The following GLIS1 variants were observed in gnomAD, a reference collection of about 807,000 sequenced individuals.
GLIS1 encodes zinc finger protein GLIS1.
In GLIS1, 24 loss-of-function variants were observed where a neutral mutation model predicts 63.8. That is an observed-to-expected ratio of 0.38 (90% CI 0.27 to 0.53). GLIS1 has a LOEUF of 0.53. GLIS1 is among the 20% of genes least tolerant of loss of function. GLIS1 has a pLI of 0.85. For missense variants in GLIS1, 1,036 were observed against 1,074.1 expected (o/e 0.96, Z 0.50); for synonymous variants, 450 against 482.5 (o/e 0.93, Z 0.88).
intron 2 of GLIS1, among the ~76,000 whole-genome samples, chr1:53,732,234 A>T (rs552544107): frequency 6.6e-6 from 1 of 152,174 alleles, no homozygotes; most frequent in Non-Finnish European, 1.5e-5. Context: ...TTTAAGGGGG[A>T]AAAAGGGCAA....
At chr1:53,698,671 G>C (rs577717512) in intron 2 of GLIS1, among the ~76,000 whole-genome samples, 4 of 152,220 alleles carry the variant, frequency 2.6e-5, no homozygotes, top group African/African-American at 4.8e-5. Flanking sequence ...TGCCAGAAGA[G>C]AGCCACTTCC....
intron 4 of GLIS1, among the ~76,000 whole-genome samples, chr1:53,577,433 CAA>C (rs1645043429): frequency 6.6e-6 from 1 of 152,336 alleles, no homozygotes; most frequent in Non-Finnish European, 1.5e-5. Context: ...TCTCTCAGAT[CAA>C]GCCATTTCTG....
At chr1:53,689,818 G>A (rs1299358553) in intron 2 of GLIS1, among the ~76,000 whole-genome samples, 1 of 152,172 alleles carries the variant, frequency 6.6e-6, no homozygotes, top group Non-Finnish European at 1.5e-5. Context: ...GGCCCCTGCA[G>A]ATGAGGTCCT....
intron 4 of GLIS1, among the ~76,000 whole-genome samples, chr1:53,593,241 G>A (rs1200447543): frequency 2.6e-5 from 4 of 152,366 alleles, no homozygotes; most frequent in African/African-American, 9.6e-5. Context: ...CAGCTCTGCC[G>A]TTTCTGGGCA....
At chr1:53,644,575 A>G (rs927251012) in intron 2 of GLIS1, among the ~76,000 whole-genome samples, 1 of 152,008 alleles carries the variant, frequency 6.6e-6, no homozygotes, top group Non-Finnish European at 1.5e-5. Flanking sequence ...AACTGAGTAG[A>G]GTAAGGGGAT....
intron 4 of GLIS1, among the ~76,000 whole-genome samples, chr1:53,551,443 C>T (rs993197066): frequency 2.0e-5 from 3 of 152,168 alleles, no homozygotes; most frequent in African/African-American, 7.2e-5. Context: ...CAAGGGGGGT[C>T]CCTCAGCCTC....
chr1:53,584,344 C>T lies in GLIS1; in HGVS notation c.1320+9764G>A, dbSNP rs1352072754. 2.0e-5 allele frequency among the ~76,000 whole-genome samples: 3 copies of T among 152,204 alleles called. No homozygotes were observed. In the East Asian group the frequency reaches 5.8e-4, roughly 29 times the overall value. On this transcript the variant is annotated intron_variant, in intron 4 of 10. Transcript: ENST00000628545. ...AGACCAAAAGGACACCTATGTTCCC[C>T]ACAAGGTCAAGACTATCACATGTCA...
intron 2 of GLIS1, among the ~76,000 whole-genome samples, chr1:53,663,800 C>G (rs1646057092): frequency 6.6e-6 from 1 of 152,246 alleles, no homozygotes; most frequent in African/African-American, 2.4e-5. Context: ...AGCCACGGCT[C>G]CCTCCAGGCC....
chr1:53,528,909 T>A (rs1644499084), intron 5 of GLIS1, among the ~76,000 whole-genome samples: 1 of 152,070 alleles, frequency 6.6e-6, no homozygotes, highest in African/African-American at 2.4e-5. Flanking sequence ...CTGCAGCACA[T>A]GGGGGCTGGG....
rs952904224 is a variant in GLIS1, at chr1:53,574,917, G to A, written c.1320+19191C>T. ...CTTCACAGCAACTCTCTTAACAAAT[G>A]GTGTGATCACTCCGGGGGCAGGGTG... On this transcript the variant is annotated intron_variant, in intron 4 of 10. Coordinates refer to ENST00000628545, the MANE Select transcript of GLIS1 (RefSeq NM_001367484.1). This position sits in a 1 kb window ranked among gnomAD's most constrained non-coding sequence, Gnocchi z 4.2. Among the ~76,000 whole-genome samples the A allele has an allele frequency of 2.0e-5, 3 of 152,100 alleles. No homozygotes were observed. The highest frequency in any genetic ancestry group is 4.4e-5 in the Non-Finnish European group (3 of 68,020).
chr1:53,590,992 G>A (rs542569760), intron 4 of GLIS1, among the ~76,000 whole-genome samples: 18 of 152,324 alleles, frequency 1.2e-4, no homozygotes, highest in African/African-American at 3.4e-4. Flanking sequence ...GGGATGGGAT[G>A]GGGGAGGCTT....
At chr1:53,559,156 G>C (rs1644861006) in intron 4 of GLIS1, among the ~76,000 whole-genome samples, 1 of 152,206 alleles carries the variant, frequency 6.6e-6, no homozygotes, top group South Asian at 2.1e-4. Flanking sequence ...AATGCAGGGG[G>C]CTTTGTGGCC....
At chr1:53,620,465 C>A (rs1645531017) in intron 2 of GLIS1, among the ~76,000 whole-genome samples, 1 of 152,248 alleles carries the variant, frequency 6.6e-6, no homozygotes, top group Admixed American at 6.5e-5. Context: ...AGAGCTGGGG[C>A]AGCTCACTGC....
rs182357288 is a variant in GLIS1 at position 53,616,097 on chromosome 1, A to G, written c.260-15819T>C. 6.9e-4 allele frequency among the ~76,000 whole-genome samples: 105 copies of G among 152,332 alleles called. 1 individual carries two copies. The East Asian group carries it at 0.016, about 23-fold the overall frequency. On this transcript the variant is annotated intron_variant, in intron 2 of 10. Transcript: ENST00000628545. ...CTAAGCACTTCAATTACTGCTTCTAAGATTCCATGATCCCACAAATCTGTC... is the reference window on the plus strand; with the variant it reads ...CTAAGCACTTCAATTACTGCTTCTAGGATTCCATGATCCCACAAATCTGTC...
rs1328639284 is a variant in GLIS1, at chr1:53,639,897, T to C, written c.260-39619A>G. The stretch of plus-strand genomic sequence containing the variant: ...GCTGTGGCTTTGCTGCTAATAGTCC[T>C]GGGTTCAAATCCCAAGTCTGATACG... On this transcript the variant is annotated intron_variant, in intron 2 of 10. Coordinates refer to ENST00000628545, the MANE Select transcript of GLIS1 (RefSeq NM_001367484.1). This position sits in a 1 kb window ranked among gnomAD's most constrained non-coding sequence, Gnocchi z 4.6. Among the ~76,000 whole-genome samples, 1 of 152,210 alleles carries C rather than the reference T, an allele frequency of 6.6e-6. No homozygotes were observed. The highest frequency in any genetic ancestry group is 1.5e-5 in the Non-Finnish European group (1 of 68,034).
In GLIS1 at chr1:53,712,953, C is replaced by A. The variant is rs150541598; in HGVS notation, c.259+24853G>T. On this transcript the variant is annotated intron_variant, in intron 2 of 10. Transcript: ENST00000628545. ...GGCAGAAACCAAGAGGAAGAAAAAA[C>A]ACAGGTAAAAAGTGAGGCAGAGAGA... Among the ~76,000 whole-genome samples the A allele has an allele frequency of 5.0e-4, 76 of 152,128 alleles. 1 individual carries two copies. In the East Asian group the frequency reaches 0.014, roughly 28 times the overall value.
rs145777942 is a variant in GLIS1, at chr1:53,619,909, C to A, written c.260-19631G>T. Among the ~76,000 whole-genome samples the A allele has an allele frequency of 1.9e-4, 29 of 152,374 alleles. 1 individual carries two copies. Among genetic ancestry groups the A allele is most frequent in the Middle Eastern group, 6.8e-3 (2 of 294 alleles). On this transcript the variant is annotated intron_variant, in intron 2 of 10. Transcript: ENST00000628545. ...GCCAAGTCAGGACCAGAACCCAGTC[C>A]TCCAGAGTTCCCATCAGGCAGTCAT...
intron 2 of GLIS1, among the ~76,000 whole-genome samples, chr1:53,641,115 T>C (rs1471500528): frequency 6.6e-6 from 1 of 152,088 alleles, no homozygotes; most frequent in African/African-American, 2.4e-5. Context: ...TCCCTGAATA[T>C]CTTGGGGGAC....
At chr1:53,570,270 T>C (rs1644972036) in intron 4 of GLIS1, among the ~76,000 whole-genome samples, 1 of 144,570 alleles carries the variant, frequency 6.9e-6, no homozygotes, top group Admixed American at 6.8e-5. Flanking sequence ...GCGAGCACCA[T>C]TCTTGGCTAA....
Sources: gnomAD v4.1 joint callset for allele counts (sites outside exome capture counted in the v4.1 genomes callset) on GRCh38, gnomAD v4.1.1 for gene constraint, Gnocchi (gnomAD v3.1) non-coding constraint, MANE v1.5 for transcripts, NCBI Gene and HGNC (gene_info 2026-07-23, HGNC 2026-07-21) for gene names.